Variants in DCHS2 observed in about 807,000 individuals in gnomAD.
The protein encoded by DCHS2 is dachsous cadherin-related 2.
DCHS2 carries 142 observed loss-of-function variants against 182.4 expected under a neutral mutation model. The ratio of observed to expected loss-of-function variants is 0.78; its 90% CI spans 0.68 to 0.89. The LOEUF is 0.89. DCHS2 is among the 40% of genes least tolerant of loss of function. The pLI is 0.00. For synonymous variants in DCHS2, 1,740 were observed against 1,663.3 expected, an observed-to-expected ratio of 1.05 and a Z score of -1.12; for missense variants, 4,319 against 4,198.6, an observed-to-expected ratio of 1.03 and a Z score of -0.79.
At chr4:154,450,008 C>A (rs577634107) in intron 1 of DCHS2, among the ~76,000 whole-genome samples, 1 of 152,242 alleles carries the variant, frequency 6.6e-6, no homozygotes, top group South Asian at 2.1e-4. Context: ...GCTTTGAGTA[C>A]AGAAAATGGG....
intron 3 of DCHS2, chr4:154,352,657 C>T (rs1729674786): frequency 6.6e-6 from 1 of 152,146 alleles, no homozygotes; most frequent in Admixed American, 6.5e-5. Context: ...TAACCTTCCT[C>T]CTGAAAGCAA....
chr4:154,236,965 G>A lies in DCHS2; in HGVS notation c.7687C>T (p.Leu2563=). ...SYNLSLSEDA[L]VGSTLVTFSN... ...AATGTAACAAGCGTGCTTCCAACCA[G>A]AGCATCCTCACTTAGGCTAAGATTA... The change falls in exon 20 of 20, where the codon CTG becomes TTG. Residue 2563 remains leucine, a synonymous_variant. Coordinates refer to ENST00000357232, the MANE Select transcript of DCHS2 (RefSeq NM_001358235.2). 6.2e-7 allele frequency: 1 copy of A among 1,614,030 alleles called. No individual in the cohort carries two copies. Among genetic ancestry groups the A allele is most frequent in the Non-Finnish European group, 8.5e-7 (1 of 1,179,942 alleles).
chr4:154,263,079 G>A (rs1454259249), intron 14 of DCHS2, among the ~76,000 whole-genome samples: 1 of 151,910 alleles, frequency 6.6e-6, no homozygotes, highest in East Asian at 1.9e-4. Context: ...CTAATAAAAT[G>A]GTTTTCTCAC....
Position 154,322,260 on chromosome 4 carries a change from T to C in DCHS2, c.4176+71A>G, listed in dbSNP as rs962079582. ...ACATACATATTACATGTATCTTCACTCTATAAACTTGTAATGAAAGTCAAA... is the reference window on the plus strand; with the variant it reads ...ACATACATATTACATGTATCTTCACCCTATAAACTTGTAATGAAAGTCAAA... On this transcript the variant is annotated intron_variant, in intron 8 of 19. Transcript: ENST00000357232. The C allele has an allele frequency of 8.2e-6, 13 of 1,592,198 alleles. No homozygotes were observed. The African/African-American group carries it at 9.4e-5, about 12-fold the overall frequency.
intron 1 of DCHS2, among the ~76,000 whole-genome samples, chr4:154,425,018 G>C (rs893128306): frequency 6.6e-6 from 1 of 152,226 alleles, no homozygotes; most frequent in African/African-American, 2.4e-5. Context: ...CTGCACTGCA[G>C]AAAGCAGATT....
At position 154,321,052 on chromosome 4, in the gene DCHS2, A is replaced by G; in HGVS notation, c.4347T>C (p.Asp1449=). The change falls in exon 9 of 20, where the codon GAT becomes GAC. Residue 1449 remains aspartate (D), a synonymous_variant. Coordinates refer to ENST00000357232, the MANE Select transcript of DCHS2 (RefSeq NM_001358235.2). ...LHFSIVADDK[D]GHFEIDSSTG... is the part of the protein sequence containing the mutation. ...TTGAGCTGTCTATTTCAAAGTGTCCATCCTTATCATCTGCAACAATACTAA... is the reference window on the plus strand; with the variant it reads ...TTGAGCTGTCTATTTCAAAGTGTCCGTCCTTATCATCTGCAACAATACTAA... The G allele has an allele frequency of 1.9e-6, 3 of 1,611,998 alleles. No homozygotes were observed. Among genetic ancestry groups the G allele is most frequent in the Non-Finnish European group, 2.5e-6 (3 of 1,178,276 alleles).
chr4:154,427,499 C>A (rs149059106), intron 1 of DCHS2, among the ~76,000 whole-genome samples: 164 of 152,338 alleles, frequency 1.1e-3, no homozygotes, highest in African/African-American at 3.9e-3. Flanking sequence ...AACCCCAGAG[C>A]CACCCTGAAC....
Position 154,235,458 on chromosome 4 carries a change from A to G in DCHS2, c.9194T>C (p.Val3065Ala), listed in dbSNP as rs2111080555. The G allele has an allele frequency of 1.3e-5, 21 of 1,614,088 alleles. No homozygotes were observed. The highest frequency in any genetic ancestry group is 2.2e-5 in the South Asian group (2 of 91,072). ...TDDCSNEVVP[V>A]DATPEWLSLI... is the part of the protein sequence containing the mutation. ...ACTCAACCATTCCGGAGTGGCATCC[A>G]CAGGGACCACCTCGTTACTGCAGTC... The change falls in exon 20 of 20, where the codon GTG (valine) becomes GCG (alanine). Residue 3065 changes from valine to alanine, a missense_variant. By Grantham distance (64) the Val-to-Ala change is moderately conservative (BLOSUM62 0). Transcript: ENST00000357232.
At chr4:154,482,922 G>A (rs576508295) in intron 1 of DCHS2, among the ~76,000 whole-genome samples, 1 of 152,330 alleles carries the variant, frequency 6.6e-6, no homozygotes, top group South Asian at 2.1e-4. Flanking sequence ...AAGGCAGCAG[G>A]CTATGGTGCT....
At position 154,321,194 on chromosome 4, in the gene DCHS2, A is replaced by T. The variant is rs752151040; in HGVS notation, c.4205T>A (p.Ile1402Asn). The change falls in exon 9 of 20, where the codon ATC becomes AAC. Residue 1402 changes from isoleucine to asparagine, a missense_variant. By Grantham distance (149) the Ile-to-Asn change is moderately radical (BLOSUM62 -3). Coordinates refer to ENST00000357232, the MANE Select transcript of DCHS2 (RefSeq NM_001358235.2). ...TAAATGTCTAATATTCTGAGACATG[A>T]TTGCTCTCCCTTTGGATAGTGGGAT... ...QVIPLSKGRAIMSQNIRHLII... is the reference protein window; with the variant it reads ...QVIPLSKGRANMSQNIRHLII... The T allele has an allele frequency of 7.7e-6, 12 of 1,562,162 alleles. No homozygotes were observed. Among genetic ancestry groups the T allele is most frequent in the Non-Finnish European group, 9.5e-6 (11 of 1,152,206 alleles).
At chr4:154,418,141 T>C (rs1732951853) in intron 1 of DCHS2, among the ~76,000 whole-genome samples, 3 of 152,252 alleles carry the variant, frequency 2.0e-5, no homozygotes, top group Non-Finnish European at 4.4e-5. Flanking sequence ...ACAATAATTT[T>C]AAATGCACCT....
chr4:154,457,406 C>T (rs2110989547), intron 1 of DCHS2, among the ~76,000 whole-genome samples: 1 of 152,264 alleles, frequency 6.6e-6, no homozygotes, highest in South Asian at 2.1e-4. Context: ...CAAATAAAAG[C>T]AAGCACCATT....
intron 13 of DCHS2, among the ~76,000 whole-genome samples, chr4:154,282,852 A>G (rs1353281468): frequency 6.6e-6 from 1 of 152,198 alleles, no homozygotes; most frequent in Non-Finnish European, 1.5e-5. Flanking sequence ...TGGCCTTTAA[A>G]AAGAAGGAAA....
In DCHS2 at chr4:154,491,318, T is replaced by C. The variant is rs1234927916; in HGVS notation, c.38A>G (p.Gln13Arg). The C allele has an allele frequency of 5.8e-6, 9 of 1,546,840 alleles. No homozygotes were observed. The highest frequency in any genetic ancestry group is 2.0e-5 in the Admixed American group (1 of 50,788). The change falls in exon 1 of 20, where the codon CAG (glutamine) becomes CGG (arginine). Residue 13 changes from glutamine to arginine, a missense_variant. Physicochemically the swap from Gln to Arg is conservative, Grantham distance 43 (BLOSUM62 1). Coordinates refer to ENST00000357232, the MANE Select transcript of DCHS2 (RefSeq NM_001358235.2). ...PCGRKMGEGR[Q>R]QRRAPVGKLL... ...CTTCCCGACCGGAGCCCGCCGCTGC[T>C]GACGCCCTTCGCCCATCTTCCGCCC...
intron 1 of DCHS2, among the ~76,000 whole-genome samples, chr4:154,385,384 T>C (rs533946851): frequency 3.3e-5 from 5 of 152,318 alleles, no homozygotes; most frequent in Admixed American, 6.5e-5. Context: ...CCAATAAACA[T>C]ACATGTACGT....
intron 3 of DCHS2, among the ~76,000 whole-genome samples, chr4:154,350,430 G>A (rs1716325449): frequency 6.6e-6 from 1 of 152,002 alleles, no homozygotes; most frequent in African/African-American, 2.4e-5. Flanking sequence ...TTTTCAACTT[G>A]AAGGTGAAAC....
intron 3 of DCHS2, among the ~76,000 whole-genome samples, chr4:154,364,909 TC>T (rs1272683025): frequency 1.1e-4 from 16 of 152,086 alleles, no homozygotes; most frequent in Non-Finnish European, 1.5e-4. Context: ...AGAAAAAAAT[TC>T]TTTTTTTTTT....
intron 1 of DCHS2, among the ~76,000 whole-genome samples, chr4:154,411,205 G>A (rs1732617245): frequency 6.6e-6 from 1 of 151,974 alleles, no homozygotes; most frequent in African/African-American, 2.4e-5. Context: ...CATAGTGATA[G>A]AGAATAAAAC....
intron 1 of DCHS2, among the ~76,000 whole-genome samples, chr4:154,465,458 C>G (rs915912885): frequency 2.6e-5 from 4 of 152,080 alleles, no homozygotes; most frequent in African/African-American, 9.7e-5. Context: ...CACCTGAGGT[C>G]GGGAGCTCAA....
Sources: allele counts gnomAD v4.1 joint callset (sites outside exome capture counted in the v4.1 genomes callset), GRCh38; gene constraint gnomAD v4.1.1; transcripts MANE v1.5; gene names NCBI Gene and HGNC (gene_info 2026-07-23, HGNC 2026-07-21).